Variants in OARD1 observed in about 807,000 individuals in gnomAD.
The protein encoded by OARD1 is O-acyl-ADP-ribose deacylase 1.
In OARD1, 19 loss-of-function variants were observed where a neutral mutation model predicts 19.7. The observed-to-expected ratio is 0.96, with a 90% CI of 0.67 to 1.41. OARD1 has a LOEUF of 1.41. Ranked by LOEUF, OARD1 falls within the 40% of genes most tolerant of loss-of-function variation. OARD1 has a pLI of 0.00. For missense variants in OARD1, 190 were observed against 183.8 expected, an observed-to-expected ratio of 1.03 and a Z score of -0.20; for synonymous variants, 70 against 61.8, an observed-to-expected ratio of 1.13 and a Z score of -0.62.
intron 1 of OARD1, chr6:41,097,545 A>G (rs1348852187): frequency 1.8e-5 from 15 of 851,568 alleles, no homozygotes; most frequent in Non-Finnish European, 2.6e-5. Flanking sequence ...GTTTTTAATA[A>G]GTGGCTCAGT....
chr6:41,091,998 A>C (rs184871708), intron 1 of OARD1, among the ~76,000 whole-genome samples: 77 of 152,336 alleles, frequency 5.1e-4, no homozygotes, highest in African/African-American at 1.7e-3. Flanking sequence ...ATCTTTGAGA[A>C]GTGGAAAGTA....
intron 2 of OARD1, 112 bp downstream of exon 2, chr6:41,071,484 C>A (rs1391491514): frequency 3.6e-6 from 4 of 1,111,894 alleles, no homozygotes; most frequent in Non-Finnish European, 4.1e-6. Flanking sequence ...AGTAAATCAG[C>A]TAGAGAGAAA....
chr6:41,075,002 GTAT>G (rs549212538), upstream of OARD1, among the ~76,000 whole-genome samples: 66 of 151,534 alleles, frequency 4.4e-4, no homozygotes, highest in African/African-American at 1.4e-3. Context: ...CAGAAAACTC[GTAT>G]TCCAGTGCTC....
At position 41,070,686 on chromosome 6, in the gene OARD1, G is replaced by A. The variant is rs115650244; in HGVS notation, c.184+446C>T. ...ACTGATGCTGTTAAGCCTGGAATGT[G>A]GTCGGAGAAACTGTTGCAGAAGCTT... On this transcript the variant is annotated intron_variant, in intron 3 of 5. Transcript: ENST00000424266. The A allele has an allele frequency of 1.5e-3, 395 of 264,580 alleles. 1 individual carries two copies. The highest frequency in any genetic ancestry group is 8.1e-3 in the African/African-American group (359 of 44,054). The allele number at this position is 264,580 out of a possible 1,614,324, so 16.4% of individuals were successfully genotyped here. A position where few individuals can be genotyped will look rare whatever the true frequency, so the allele number is the denominator to read the frequency against.
At chr6:41,071,097 C>A (rs747279467) in intron 3 of OARD1, 35 bp downstream of exon 3, 5 of 1,607,834 alleles carry the variant, frequency 3.1e-6, no homozygotes, top group Non-Finnish European at 4.3e-6. Context: ...GTGCTCTAGC[C>A]AGGGCAAACC....
At position 41,066,730 on chromosome 6, in the gene OARD1, G is replaced by A. The variant is rs1461160766; in HGVS notation, c.*605C>T. 1 of 152,124 alleles carries A rather than the reference G, an allele frequency of 6.6e-6. No individual in the cohort carries two copies. The highest frequency in any genetic ancestry group is 1.5e-5 in the Non-Finnish European group (1 of 68,028). The allele number at this position is 152,124 out of a possible 1,614,324, so 9.4% of individuals were successfully genotyped here. A position where few individuals can be genotyped will look rare whatever the true frequency, so the allele number is the denominator to read the frequency against. On this transcript the variant is annotated 3_prime_UTR_variant, in exon 6 of 6. Transcript: ENST00000424266. Reference sequence around the variant, plus strand: ...CCTTTGTCTGACTGTTTGAAATTAAGTTGCAGGTGAACCCTCCATTACCCA... The same window carrying A: ...CCTTTGTCTGACTGTTTGAAATTAAATTGCAGGTGAACCCTCCATTACCCA...
intron 1 of OARD1, among the ~76,000 whole-genome samples, chr6:41,089,203 C>T (rs1322238575): frequency 6.6e-6 from 1 of 152,074 alleles, no homozygotes; most frequent in African/African-American, 2.4e-5. Flanking sequence ...AGGCTGGTCT[C>T]GAACTCCTGA....
intron 1 of OARD1, among the ~76,000 whole-genome samples, chr6:41,080,307 T>TA (rs535262494): frequency 1.3e-4 from 19 of 148,288 alleles, no homozygotes; most frequent in East Asian, 2.0e-4. Context: ...AAATAAAGTT[T>TA]AAAAAAAAAA....
intron 1 of OARD1, among the ~76,000 whole-genome samples, chr6:41,085,402 G>T (rs2113803218): frequency 6.6e-6 from 1 of 152,254 alleles, no homozygotes; most frequent in South Asian, 2.1e-4. Flanking sequence ...GAAATGAACT[G>T]TTGACTTGGG....
At chr6:41,077,134 G>GA (rs144990984), upstream of OARD1, among the ~76,000 whole-genome samples, 120 of 152,226 alleles carry the variant, frequency 7.9e-4, no homozygotes, top group African/African-American at 2.8e-3. Flanking sequence ...ATTAGTCAAG[G>GA]AAAAAATCTC....
chr6:41,090,410 A>T, intron 1 of OARD1: 1 of 617,868 alleles, frequency 1.6e-6, no homozygotes. Flanking sequence ...TTGACACTAC[A>T]TATTTTTTGG....
intron 1 of OARD1, chr6:41,094,337 G>T: frequency 6.9e-7 from 1 of 1,439,800 alleles, no homozygotes; most frequent in Non-Finnish European, 9.7e-7. Context: ...TTGTGCACTA[G>T]ATAACTGTGC....
chr6:41,067,465 T>C, intron 5 of OARD1, 28 bp from the exon 6 acceptor site: 1 of 1,485,724 alleles, frequency 6.7e-7, no homozygotes, highest in Non-Finnish European at 9.4e-7. Flanking sequence ...TCTCCATTGA[T>C]GGTAACGAAA....
intron 3 of OARD1, among the ~76,000 whole-genome samples, chr6:41,070,562 TACAG>T (rs1338208706): frequency 6.6e-6 from 1 of 152,220 alleles, no homozygotes; most frequent in African/African-American, 2.4e-5. Context: ...AATTAATTAT[TACAG>T]AGTTTTCAAT....
intron 1 of OARD1, chr6:41,091,393 T>TC: frequency 1.3e-6 from 1 of 782,448 alleles, no homozygotes; most frequent in Non-Finnish European, 2.0e-6. Flanking sequence ...GAGTACTTTT[T>TC]CTCCCCTTGT....
At chr6:41,097,094 GA>G (rs1331832921) in intron 1 of OARD1, among the ~76,000 whole-genome samples, 1 of 152,154 alleles carries the variant, frequency 6.6e-6, no homozygotes, top group Non-Finnish European at 1.5e-5. Context: ...AGGTTCTTAG[GA>G]AAGAGATACA....
intron 1 of OARD1, among the ~76,000 whole-genome samples, 161 bp downstream of exon 1, chr6:41,072,075 C>T (rs1763462077): frequency 6.6e-6 from 1 of 152,224 alleles, no homozygotes; most frequent in Non-Finnish European, 1.5e-5. Flanking sequence ...GCCACAGTCC[C>T]GTTAAGCCGC....
At chr6:41,082,180 C>G (rs1436316791) in intron 1 of OARD1, among the ~76,000 whole-genome samples, 1 of 152,194 alleles carries the variant, frequency 6.6e-6, no homozygotes, top group Non-Finnish European at 1.5e-5. Context: ...TCCTTTCAAT[C>G]CCACCCCTAC....
At chr6:41,079,149 A>C in intron 1 of OARD1, 1 of 1,614,242 alleles carries the variant, frequency 6.2e-7, no homozygotes, top group South Asian at 1.1e-5. Flanking sequence ...TCCAGGCAGG[A>C]CAGATTCAGC....
Sources: gnomAD v4.1 joint callset for allele counts (sites outside exome capture counted in the v4.1 genomes callset) on GRCh38, gnomAD v4.1.1 for gene constraint, MANE v1.5 for transcripts, NCBI Gene and HGNC (gene_info 2026-07-23, HGNC 2026-07-21) for gene names.